Variants in IL1RAPL2 observed in about 807,000 individuals in gnomAD.
The protein encoded by IL1RAPL2 is X-linked interleukin-1 receptor accessory protein-like 2.
A neutral mutation model predicts 44.1 loss-of-function variants in IL1RAPL2; 3 were observed. That is an observed-to-expected ratio of 0.07 (90% CI 0.03 to 0.18). The LOEUF (loss-of-function observed/expected upper bound fraction) is 0.18, where lower values mean the gene tolerates loss of function less well. Among genes scored for constraint, IL1RAPL2 ranks in the 10% least tolerant of loss-of-function variants. The probability of loss-of-function intolerance (pLI) is 1.00; values close to 1 mark genes in which losing one functional copy is unlikely to be tolerated. For missense variants in IL1RAPL2, 391 were observed against 496.4 expected, an observed-to-expected ratio of 0.79 and a Z score of 2.02; for synonymous variants, 181 against 178.8, an observed-to-expected ratio of 1.01 and a Z score of -0.10.
chrX:105,242,007 C>T (rs782079515), intron 4 of IL1RAPL2, among the ~76,000 whole-genome samples: 3 of 111,782 alleles, frequency 2.7e-5, no homozygotes, highest in African/African-American at 9.7e-5. Context: ...GTGAAAAACC[C>T]GGTAAGGAAG....
intron 5 of IL1RAPL2, among the ~76,000 whole-genome samples, chrX:105,448,814 C>T (rs746390641): frequency 9.0e-5 from 10 of 110,893 alleles, no homozygotes; most frequent in African/African-American, 3.0e-4. Flanking sequence ...TCTGCTTGAT[C>T]AGTCCTGCTA....
chrX:104,811,006 G>T (rs1473036952), intron 2 of IL1RAPL2, among the ~76,000 whole-genome samples: 1 of 111,433 alleles, frequency 9.0e-6, no homozygotes, highest in East Asian at 2.8e-4. Context: ...ATCTGCCTGG[G>T]CCTTGCAAGC....
chrX:105,090,615 C>T (rs2032533516), intron 2 of IL1RAPL2, among the ~76,000 whole-genome samples: 2 of 112,229 alleles, frequency 1.8e-5, no homozygotes, highest in African/African-American at 6.5e-5. Context: ...ACCTCAACTT[C>T]TCTTAGAGCC....
intron 2 of IL1RAPL2, among the ~76,000 whole-genome samples, chrX:104,934,907 T>A (rs943821555): frequency 1.8e-5 from 2 of 112,072 alleles, no homozygotes; most frequent in Non-Finnish European, 3.8e-5. Flanking sequence ...CCTAAAACCT[T>A]GTGCTGCGGA....
intron 2 of IL1RAPL2, among the ~76,000 whole-genome samples, chrX:104,703,342 C>A (rs1276409774): frequency 8.9e-6 from 1 of 111,982 alleles, no homozygotes; most frequent in Non-Finnish European, 1.9e-5. Flanking sequence ...ACTAGGTCTC[C>A]TTTATGACCA....
intron 2 of IL1RAPL2, among the ~76,000 whole-genome samples, chrX:104,905,449 A>C (rs1439211079): frequency 8.9e-6 from 1 of 111,926 alleles, no homozygotes; most frequent in Non-Finnish European, 1.9e-5. Flanking sequence ...CTAACATTTA[A>C]GTCTTTAATC....
intron 2 of IL1RAPL2, among the ~76,000 whole-genome samples, chrX:104,918,284 C>T (rs1055076108): frequency 9.0e-6 from 1 of 111,356 alleles, no homozygotes; most frequent in Admixed American, 9.6e-5. Flanking sequence ...GGCTCTGTCT[C>T]ATGACCAGAG....
intron 4 of IL1RAPL2, among the ~76,000 whole-genome samples, chrX:105,239,222 G>A (rs146168387): frequency 0.026 from 2,894 of 112,171 alleles, 117 homozygotes; most frequent in African/African-American, 0.09. Flanking sequence ...TAGCCAGTAA[G>A]TAATCTAGAG....
At chrX:104,698,792 GATA>G (rs1931222665) in intron 2 of IL1RAPL2, among the ~76,000 whole-genome samples, 1 of 111,593 alleles carries the variant, frequency 9.0e-6, no homozygotes, top group Non-Finnish European at 1.9e-5. Context: ...TTTAGTAATG[GATA>G]ATGTAGAACA....
rs543730282 is a variant in IL1RAPL2 at position 104,574,767 on chromosome X, A to C, written c.-20+7716A>C. Among the ~76,000 whole-genome samples the C allele has an allele frequency of 1.6e-4, 18 of 112,311 alleles. No individual in the cohort carries two copies. The Admixed American group carries it at 1.7e-3, about 11-fold the overall frequency. ...TTGATATGGAAATATATCCATAAATATAATTTAATGGAAAAGGTAGCTTAC... is the reference window on the plus strand; with the variant it reads ...TTGATATGGAAATATATCCATAAATCTAATTTAATGGAAAAGGTAGCTTAC... On this transcript the variant is annotated intron_variant, in intron 1 of 10. Coordinates refer to ENST00000372582, the MANE Select transcript of IL1RAPL2 (RefSeq NM_017416.2).
chrX:104,993,165 C>A lies in IL1RAPL2; in HGVS notation c.83-202310C>A, dbSNP rs1381252044. 2.7e-5 allele frequency among the ~76,000 whole-genome samples: 3 copies of A among 111,328 alleles called. No homozygotes were observed. The East Asian group carries it at 8.5e-4, about 31-fold the overall frequency. ...ATTTTATTGAAATTGATAAGTAAAA[C>A]ATATATAAATTAGTAATTACAAAAC... On this transcript the variant is annotated intron_variant, in intron 2 of 10. Coordinates refer to ENST00000372582, the MANE Select transcript of IL1RAPL2 (RefSeq NM_017416.2).
At chrX:105,659,365 A>C (rs75023140) in intron 6 of IL1RAPL2, among the ~76,000 whole-genome samples, 2 of 111,493 alleles carry the variant, frequency 1.8e-5, no homozygotes, top group African/African-American at 6.5e-5. Flanking sequence ...TGAAGTAATT[A>C]AAAAGAATAG....
intron 6 of IL1RAPL2, among the ~76,000 whole-genome samples, chrX:105,633,487 C>A (rs1053305388): frequency 9.0e-6 from 1 of 111,143 alleles, no homozygotes; most frequent in East Asian, 2.9e-4. Flanking sequence ...GCTTGAGTCT[C>A]GAAAATTTAA....
At chrX:104,950,050 G>A (rs1602846382) in intron 2 of IL1RAPL2, among the ~76,000 whole-genome samples, 2 of 111,269 alleles carry the variant, frequency 1.8e-5, no homozygotes, top group Non-Finnish European at 1.9e-5. Context: ...ATGTGTGGGA[G>A]TCTAAGTCTC....
chrX:104,951,169 G>A (rs192136458), intron 2 of IL1RAPL2, among the ~76,000 whole-genome samples: 14 of 111,927 alleles, frequency 1.3e-4, no homozygotes, highest in Non-Finnish European at 1.7e-4. Flanking sequence ...GCTGTAGACC[G>A]GAGCTGTTCC....
At chrX:105,018,022 C>CA (rs2031216410) in intron 2 of IL1RAPL2, among the ~76,000 whole-genome samples, 1 of 111,541 alleles carries the variant, frequency 9.0e-6, no homozygotes, top group Non-Finnish European at 1.9e-5. Flanking sequence ...TGGTTCCCCC[C>CA]ACTACGTGTG....
At chrX:104,774,713 T>A (rs926301) in intron 2 of IL1RAPL2, among the ~76,000 whole-genome samples, 41,683 of 110,894 alleles carry the variant, frequency 0.38, 6,013 homozygotes, top group East Asian at 0.46. Flanking sequence ...GGATCGAGGC[T>A]GCAAAATTTA....
At chrX:104,848,511 T>G (rs1351994839) in intron 2 of IL1RAPL2, among the ~76,000 whole-genome samples, 1 of 102,371 alleles carries the variant, frequency 9.8e-6, no homozygotes, top group Non-Finnish European at 2.0e-5. Flanking sequence ...AAACCTATAT[T>G]TAAAAACAAA....
intron 9 of IL1RAPL2, among the ~76,000 whole-genome samples, chrX:105,752,712 T>C (rs1459334487): frequency 1.8e-5 from 2 of 112,351 alleles, no homozygotes; most frequent in Non-Finnish European, 3.8e-5. Context: ...TTGCTCCTCT[T>C]TGTGAGCAAC....
Sources: gnomAD v4.1 joint callset for allele counts (sites outside exome capture counted in the v4.1 genomes callset) on GRCh38, gnomAD v4.1.1 for gene constraint, MANE v1.5 for transcripts, NCBI Gene and HGNC (gene_info 2026-07-23, HGNC 2026-07-21) for gene names.